The following LRRN4CL variants were observed in gnomAD, a reference collection of about 807,000 sequenced individuals.
LRRN4CL encodes the protein LRRN4 C-terminal-like protein.
For missense variants in LRRN4CL, 348 were observed against 336.4 expected, an observed-to-expected ratio of 1.03 and a Z score of -0.27; for synonymous variants, 156 against 154.1, an observed-to-expected ratio of 1.01 and a Z score of -0.09.
In LRRN4CL at chr11:62,688,014, G is replaced by C. The variant is rs780149103; in HGVS notation, c.495C>G (p.Pro165=). ...AANEAGASRV[P]QAGGEGLEGA... is the part of the protein sequence containing the mutation. ...CCTCGAGGCCCTCTCCTCCAGCCTG[G>C]GGCACGCGGCTTGCCCCGGCCTCGT... The change falls in exon 2 of 2, where the codon CCC becomes CCG. Residue 165 remains proline (P), a synonymous_variant. Coordinates refer to ENST00000317449, the MANE Select transcript of LRRN4CL (RefSeq NM_203422.4). 5.6e-6 allele frequency: 9 copies of C among 1,612,176 alleles called. No individual in the cohort carries two copies. Among genetic ancestry groups the C allele is most frequent in the Non-Finnish European group, 8.5e-7 (1 of 1,179,792 alleles).
In LRRN4CL at chr11:62,688,258, T is replaced by TCGGGCGGCTGGG. The variant is rs758001875; in HGVS notation, c.239_250dup (p.Ala80_Pro83dup). On this transcript the variant is annotated inframe_insertion, in exon 2 of 2. Transcript: ENST00000317449. ...GCGCACTTCTCCCATGCGCGGCGGG[T>TCGGGCGGCTGGG]CGGGCGGCTGGGCGGGGCTGGAGAG... 9.3e-6 allele frequency: 15 copies of TCGGGCGGCTGGG among 1,609,642 alleles called. No homozygotes were observed. The highest frequency in any genetic ancestry group is 2.7e-5 in the African/African-American group (2 of 74,788).
Position 62,687,648 on chromosome 11 carries a change from C to T in LRRN4CL, c.*144G>A, listed in dbSNP as rs1945211824. 1 of 621,886 alleles carries T rather than the reference C, an allele frequency of 1.6e-6. No individual in the cohort carries two copies. The highest frequency in any genetic ancestry group is 2.5e-6 in the Non-Finnish European group (1 of 405,668). The allele number at this position is 621,886 out of a possible 1,614,324, so 38.5% of individuals were successfully genotyped here. On this transcript the variant is annotated 3_prime_UTR_variant, in exon 2 of 2. Transcript: ENST00000317449. The stretch of plus-strand genomic sequence containing the variant: ...AAGCGCTCAGTCCTGAGAACCATGA[C>T]TCCGCCGTGGCCCTGGAGCCTGGGG...
chr11:62,687,688 G>T lies in LRRN4CL; in HGVS notation c.*104C>A. 9.9e-7 allele frequency: 1 copy of T among 1,009,718 alleles called. No homozygotes were observed. Among genetic ancestry groups the T allele is most frequent in the Non-Finnish European group, 1.3e-6 (1 of 758,016 alleles). The allele number at this position is 1,009,718 out of a possible 1,614,324, so 62.5% of individuals were successfully genotyped here. A position where few individuals can be genotyped will look rare whatever the true frequency, so the allele number is the denominator to read the frequency against. On this transcript the variant is annotated 3_prime_UTR_variant, in exon 2 of 2. Transcript: ENST00000317449. ...GGAGCCTGGGGCTGGCTCCCAGCTCGCCGTCCAGCCCTCCCTGGAGGCAGC... is the reference window on the plus strand; with the variant it reads ...GGAGCCTGGGGCTGGCTCCCAGCTCTCCGTCCAGCCCTCCCTGGAGGCAGC...
Position 62,688,388 on chromosome 11 carries a change from G to GCC in LRRN4CL, c.119_120dup (p.Pro41GlyfsTer92), listed in dbSNP as rs1945227733. On this transcript the variant is annotated frameshift_variant, in exon 2 of 2. Coordinates refer to ENST00000317449, the MANE Select transcript of LRRN4CL (RefSeq NM_203422.4). LOFTEE classifies it low-confidence loss of function (END_TRUNC). ...TCGCAGGGGACAGCCGGCAAAGGCGGCCACGCCGTCTCAGTCTCATCTGCC... is the reference window on the plus strand; with the variant it reads ...TCGCAGGGGACAGCCGGCAAAGGCGGCCCCACGCCGTCTCAGTCTCATCTGCC... 1 of 1,604,720 alleles carries GCC rather than the reference G, an allele frequency of 6.2e-7. No homozygotes were observed. The highest frequency in any genetic ancestry group is 1.1e-5 in the South Asian group (1 of 91,094).
chr11:62,688,214 G>C lies in LRRN4CL; in HGVS notation c.295C>G (p.Arg99Gly), dbSNP rs544136182. Residue 99 changes from arginine (R) to glycine (G), a missense_variant, in exon 2 of 2, where the codon CGC (arginine) becomes GGC (glycine). Physicochemically the swap from Arg to Gly is moderately radical, Grantham distance 125. Coordinates refer to ENST00000317449, the MANE Select transcript of LRRN4CL (RefSeq NM_203422.4). ...GEVRIAAEEG[R>G]AVVHWCAPFS... is the part of the protein sequence containing the mutation. The stretch of plus-strand genomic sequence containing the variant: ...GGGGCACACCAGTGGACCACTGCGC[G>C]GCCCTCTTCGGCCGCAATGCGCACT... 6 of 1,611,804 alleles carry C rather than the reference G, an allele frequency of 3.7e-6. No homozygotes were observed. Among genetic ancestry groups the C allele is most frequent in the South Asian group, 2.2e-5 (2 of 90,998 alleles).
chr11:62,688,805 G>A (rs1193294025), intron 1 of LRRN4CL, among the ~76,000 whole-genome samples: 1 of 152,130 alleles, frequency 6.6e-6, no homozygotes, highest in Non-Finnish European at 1.5e-5. Context: ...GAGAGAAGAG[G>A]AGGACATGAT....
At position 62,687,472 on chromosome 11, in the gene LRRN4CL, T is replaced by A; in HGVS notation, c.*320A>T. On this transcript the variant is annotated 3_prime_UTR_variant, in exon 2 of 2. Transcript: ENST00000317449. ...TAAATGGTTACAAAGGTCATATAAA[T>A]ACCCACATAATAATATCCTCCATTT... 3 of 304,832 alleles carry A rather than the reference T, an allele frequency of 9.8e-6. No homozygotes were observed. The highest frequency in any genetic ancestry group is 2.2e-5 in the African/African-American group (1 of 46,378). The allele number at this position is 304,832 out of a possible 1,614,324, so 18.9% of individuals were successfully genotyped here.
Position 62,688,321 on chromosome 11 carries a change from A to G in LRRN4CL, c.188T>C (p.Leu63Pro). ...CRHLQVPCKELQRVGPAACLC... is the reference protein window; with the variant it reads ...CRHLQVPCKEPQRVGPAACLC... ...GCAGGCCGCCGGCCCGACCCTCTGTAGCTCCTTGCAGGGCACCTGCAGGTG... is the reference window on the plus strand; with the variant it reads ...GCAGGCCGCCGGCCCGACCCTCTGTGGCTCCTTGCAGGGCACCTGCAGGTG... The change falls in exon 2 of 2, where the codon CTA becomes CCA. Residue 63 changes from leucine to proline, a missense_variant. Transcript: ENST00000317449. The G allele has an allele frequency of 6.2e-7, 1 of 1,609,564 alleles. No homozygotes were observed. Among genetic ancestry groups the G allele is most frequent in the Non-Finnish European group, 8.5e-7 (1 of 1,179,824 alleles).
In LRRN4CL at chr11:62,687,898, G is replaced by A. The variant is rs1298638240; in HGVS notation, c.611C>T (p.Thr204Met). The A allele has an allele frequency of 1.3e-6, 2 of 1,494,568 alleles. No individual in the cohort carries two copies. The allele number at this position is 1,494,568 out of a possible 1,614,324, so 92.6% of individuals were successfully genotyped here. A position where few individuals can be genotyped will look rare whatever the true frequency, so the allele number is the denominator to read the frequency against. Reference sequence around the variant, plus strand: ...GGCACAGCTTAGCAGGGCCAGGGCCGTGCCCACCCCGACGGCCGCGTGGAC... The same window carrying A: ...GGCACAGCTTAGCAGGGCCAGGGCCATGCCCACCCCGACGGCCGCGTGGAC... Reference protein sequence around the residue: ...TLVHAAVGVGTALALLSCAAL... With the variant: ...TLVHAAVGVGMALALLSCAAL... The change falls in exon 2 of 2, where the codon ACG becomes ATG. Residue 204 changes from threonine (T) to methionine (M), a missense_variant. Thr to Met is a moderately conservative substitution (Grantham distance 81). Transcript: ENST00000317449.
In LRRN4CL at chr11:62,688,190, G is replaced by C; in HGVS notation, c.319C>G (p.Pro107Ala). ...EGRAVVHWCA[P>A]FSPVLHYWLL... is the part of the protein sequence containing the mutation. ...CAGTAGTGGAGGACCGGGGAGAAGG[G>C]GGCACACCAGTGGACCACTGCGCGG... is the stretch of plus-strand genomic sequence containing the variant. Residue 107 changes from proline to alanine, a missense_variant, in exon 2 of 2, where the codon CCC becomes GCC. Transcript: ENST00000317449. 6.2e-7 allele frequency: 1 copy of C among 1,612,406 alleles called. No homozygotes were observed. Among genetic ancestry groups the C allele is most frequent in the South Asian group, 1.1e-5 (1 of 91,052 alleles).
intron 1 of LRRN4CL, among the ~76,000 whole-genome samples, chr11:62,689,204 A>G (rs115750347): frequency 0.012 from 1,774 of 152,292 alleles, 26 homozygotes; most frequent in African/African-American, 0.04. Context: ...AAAAACATGT[A>G]TCCGTCAGTG....
At position 62,688,068 on chromosome 11, in the gene LRRN4CL, G is replaced by T. The variant is rs377530897; in HGVS notation, c.441C>A (p.Gly147=). 1.3e-5 allele frequency: 21 copies of T among 1,612,668 alleles called. No individual in the cohort carries two copies. The highest frequency in any genetic ancestry group is 1.7e-5 in the Non-Finnish European group (20 of 1,179,886). The change falls in exon 2 of 2, where the codon GGC becomes GGA. Residue 147 remains glycine, a synonymous_variant. Coordinates refer to ENST00000317449, the MANE Select transcript of LRRN4CL (RefSeq NM_203422.4). ...CGGCCACTACGCAAACGACATAAAT[G>T]CCCCCTGGCTTCAGCCCCTTCAGTT... ...RAELKGLKPG[G]IYVVCVVAAN... is the part of the protein sequence containing the mutation.
At chr11:62,688,853 G>A (rs965838890) in intron 1 of LRRN4CL, among the ~76,000 whole-genome samples, 2 of 152,146 alleles carry the variant, frequency 1.3e-5, no homozygotes, top group Non-Finnish European at 2.9e-5. Flanking sequence ...ATATTTACTA[G>A]CTGCCACCCA....
chr11:62,688,535 G>A, intron 1 of LRRN4CL, 22 bp from the exon 2 acceptor site: 1 of 1,554,396 alleles, frequency 6.4e-7, no homozygotes, highest in Non-Finnish European at 8.7e-7. Context: ...GGGGTGGATA[G>A]ATAAAGCCTG....
chr11:62,688,475 C>T lies in LRRN4CL; in HGVS notation c.34G>A (p.Ala12Thr). The T allele has an allele frequency of 6.3e-7, 1 of 1,598,190 alleles. No homozygotes were observed. The highest frequency in any genetic ancestry group is 2.2e-5 in the East Asian group (1 of 44,868). The change falls in exon 2 of 2, where the codon GCC (alanine) becomes ACC (threonine). Residue 12 changes from alanine (A) to threonine (T), a missense_variant. By Grantham distance (58) the Ala-to-Thr change is moderately conservative. Transcript: ENST00000317449. The stretch of plus-strand genomic sequence containing the variant: ...GCTCTGGGAACCAAGAAGGTCACGG[C>T]CAGGAGCCACAGAAGGCAGGGAGAG... ...LGSPCLLWLLAVTFLVPRAQP... is the reference protein window; with the variant it reads ...LGSPCLLWLLTVTFLVPRAQP...
Position 62,687,834 on chromosome 11 carries a change from G to A in LRRN4CL, c.675C>T (p.Gly225=), listed in dbSNP as rs1400225322. The change falls in exon 2 of 2, where the codon GGC becomes GGT. Residue 225 remains glycine, a synonymous_variant. Transcript: ENST00000317449. ...VWHFCLRDRW[G]CPRRAAARAA... ...CTCGGGCGGCGGCTCGGCGCGGGCA[G>A]CCCCAGCGATCGCGCAGGCAGAAGT... The A allele has an allele frequency of 2.1e-6, 3 of 1,406,104 alleles. No individual in the cohort carries two copies. The highest frequency in any genetic ancestry group is 3.2e-5 in the South Asian group (2 of 62,800). The allele number at this position is 1,406,104 out of a possible 1,614,324, so 87.1% of individuals were successfully genotyped here.
At chr11:62,688,978 C>T (rs1945239397) in intron 1 of LRRN4CL, among the ~76,000 whole-genome samples, 1 of 152,124 alleles carries the variant, frequency 6.6e-6, no homozygotes, top group Non-Finnish European at 1.5e-5. Flanking sequence ...GGATTCCAAA[C>T]CAGCTGGGGC....
intron 1 of LRRN4CL, among the ~76,000 whole-genome samples, chr11:62,689,048 T>TA (rs1254901599): frequency 1.3e-5 from 2 of 151,992 alleles, no homozygotes; most frequent in Non-Finnish European, 2.9e-5. Context: ...ATTAAAAAGT[T>TA]AAAAAACATT....
Position 62,687,656 on chromosome 11 carries a change from TG to T in LRRN4CL, c.*135del. 1 of 657,830 alleles carries T rather than the reference TG, an allele frequency of 1.5e-6. No individual in the cohort carries two copies. Among genetic ancestry groups the T allele is most frequent in the Non-Finnish European group, 2.3e-6 (1 of 437,936 alleles). The allele number at this position is 657,830 out of a possible 1,614,324, so 40.7% of individuals were successfully genotyped here. A position where few individuals can be genotyped will look rare whatever the true frequency, so the allele number is the denominator to read the frequency against. The stretch of plus-strand genomic sequence containing the variant: ...AGTCCTGAGAACCATGACTCCGCCG[TG>T]GCCCTGGAGCCTGGGGCTGGCTCCC... On this transcript the variant is annotated 3_prime_UTR_variant, in exon 2 of 2. Transcript: ENST00000317449.
Sources: gnomAD v4.1 joint callset for allele counts (sites outside exome capture counted in the v4.1 genomes callset) on GRCh38, gnomAD v4.1.1 for gene constraint, MANE v1.5 for transcripts, NCBI Gene and HGNC (gene_info 2026-07-23, HGNC 2026-07-21) for gene names.